The following DYDC1 variants were observed in gnomAD, a reference collection of about 807,000 sequenced individuals.
The protein encoded by DYDC1 is DPY30 domain-containing protein 1.
Under a neutral mutation model 27.9 loss-of-function variants are expected in DYDC1, and 21 were observed. The observed-to-expected ratio is 0.75, with a 90% confidence interval of 0.53 to 1.08. The LOEUF (loss-of-function observed/expected upper bound fraction) is 1.08, where lower values mean the gene tolerates loss of function less well. DYDC1 is among the 50% of genes least tolerant of loss of function. DYDC1 has a pLI of 0.00. For synonymous variants in DYDC1, 67 were observed against 65.8 expected, an observed-to-expected ratio of 1.02 and a Z score of -0.09; for missense variants, 202 against 205.9, an observed-to-expected ratio of 0.98 and a Z score of 0.12.
downstream of DYDC1, chr10:80,336,056 AG>A: frequency 1.3e-6 from 1 of 756,606 alleles, no homozygotes; most frequent in South Asian, 1.7e-5. Context: ...GGAAAAAAAA[AG>A]GGGAGTTCAA....
intron 3 of DYDC1, among the ~76,000 whole-genome samples, chr10:80,350,470 G>A (rs751108477): frequency 2.0e-5 from 3 of 152,112 alleles, no homozygotes; most frequent in Admixed American, 6.5e-5. Context: ...GGAAGCACCT[G>A]GCCTGTTTGG....
chr10:80,350,937 A>G (rs564875111), intron 3 of DYDC1, among the ~76,000 whole-genome samples: 2 of 152,330 alleles, frequency 1.3e-5, no homozygotes, highest in African/African-American at 4.8e-5. Flanking sequence ...TTCAATTAAA[A>G]GGTCTGCCTG....
At chr10:80,353,868 A>C (rs976019302) in intron 1 of DYDC1, among the ~76,000 whole-genome samples, 6 of 152,120 alleles carry the variant, frequency 3.9e-5, no homozygotes, top group Non-Finnish European at 7.4e-5. Context: ...TGGACTTGAG[A>C]GTCCTTCAGG....
chr10:80,338,096 T>A, intron 6 of DYDC1: 1 of 985,386 alleles, frequency 1.0e-6, no homozygotes, highest in Non-Finnish European at 1.2e-6. Context: ...ACTTACATAC[T>A]GGAGAAGCAT....
chr10:80,353,435 T>G (rs892776080), intron 1 of DYDC1, among the ~76,000 whole-genome samples: 4 of 150,674 alleles, frequency 2.7e-5, no homozygotes, highest in Non-Finnish European at 5.9e-5. Flanking sequence ...GTGCTGGGAT[T>G]ACAGGCGTGA....
chr10:80,336,988 T>C, intron 6 of DYDC1: 1 of 346,052 alleles, frequency 2.9e-6, no homozygotes, highest in Non-Finnish European at 4.1e-6. Context: ...CTACTGCACT[T>C]AAGTCCAAAA....
At chr10:80,355,324 G>A (rs1843298061) in intron 1 of DYDC1, among the ~76,000 whole-genome samples, 1 of 151,806 alleles carries the variant, frequency 6.6e-6, no homozygotes, top group Non-Finnish European at 1.5e-5. Context: ...ATGAACCCCA[G>A]GATGTCAGTG....
chr10:80,336,925 T>C (rs1372931559), intron 6 of DYDC1, among the ~76,000 whole-genome samples: 1 of 152,142 alleles, frequency 6.6e-6, no homozygotes, highest in African/African-American at 2.4e-5. Context: ...ACACCAATCC[T>C]CTCTCCACCT....
rs1383853731 is a variant in DYDC1, at chr10:80,338,455, A to T, written c.504+12T>A. ...AAAAACGAGTTTTTTCACAAAACACACTGATACTGACATCAGAAAACATTG... is the reference window on the plus strand; with the variant it reads ...AAAAACGAGTTTTTTCACAAAACACTCTGATACTGACATCAGAAAACATTG... On this transcript the variant is annotated intron_variant, in intron 6 of 6. Transcript: ENST00000372202. 6.2e-7 allele frequency: 1 copy of T among 1,611,372 alleles called. No homozygotes were observed. Among genetic ancestry groups the T allele is most frequent in the Non-Finnish European group, 8.5e-7 (1 of 1,179,154 alleles).
intron 4 of DYDC1, among the ~76,000 whole-genome samples, chr10:80,341,087 T>C (rs527941920): frequency 3.3e-5 from 5 of 152,334 alleles, no homozygotes; most frequent in African/African-American, 1.2e-4. Context: ...CCTGCTTCTT[T>C]TTTCAGCTTT....
At chr10:80,338,962 C>A in intron 5 of DYDC1, 135 bp downstream of exon 5, 2 of 499,678 alleles carry the variant, frequency 4.0e-6, no homozygotes, top group Non-Finnish European at 7.0e-6. Context: ...TTGTTATCAC[C>A]GGAAAATATA....
chr10:80,339,177 A>G, intron 4 of DYDC1, 24 bp from the exon 5 acceptor site: 1 of 969,876 alleles, frequency 1.0e-6, no homozygotes, highest in Non-Finnish European at 1.5e-6. Context: ...AAATTAAGAA[A>G]ATACTTTGAA....
At chr10:80,339,484 A>C (rs1400495999) in intron 4 of DYDC1, among the ~76,000 whole-genome samples, 1 of 56,020 alleles carries the variant, frequency 1.8e-5, no homozygotes, top group East Asian at 3.4e-3. Flanking sequence ...CCTTAGAACA[A>C]GAGATTTTTA....
chr10:80,342,211 AG>A (rs1376952178), intron 4 of DYDC1, 57 bp downstream of exon 4: 1 of 1,532,618 alleles, frequency 6.5e-7, no homozygotes, highest in Admixed American at 1.7e-5. Context: ...TGAAATAAAC[AG>A]TTTGAAGATT....
chr10:80,342,148 T>C, intron 4 of DYDC1, 121 bp downstream of exon 4: 1 of 873,094 alleles, frequency 1.1e-6, no homozygotes, highest in African/African-American at 1.7e-5. Context: ...CTTACACAGC[T>C]AGTATGTGGC....
chr10:80,352,038 T>C (rs1843021018), intron 2 of DYDC1, 36 bp from the exon 3 acceptor site: 2 of 1,599,350 alleles, frequency 1.3e-6, no homozygotes, highest in South Asian at 1.1e-5. Context: ...CACGACTTCT[T>C]AGCGAGAAAG....
At position 80,351,989 on chromosome 10, in the gene DYDC1, A is replaced by C. The variant is rs377457018; in HGVS notation, c.161T>G (p.Met54Arg). ...VTMEQLRQKE[M>R]AKLERERELA... is the part of the protein sequence containing the mutation. ...TTCTCTTTCACGCTCCAGCTTGGCC[A>C]TTTCCTTTTGTCTCTAGCATTGTTT... Residue 54 changes from methionine to arginine, a missense_variant, in exon 3 of 7, where the codon ATG (methionine) becomes AGG (arginine). Physicochemically the swap from Met to Arg is moderately conservative, Grantham distance 91. Transcript: ENST00000372202. 3.1e-6 allele frequency: 5 copies of C among 1,613,996 alleles called. No individual in the cohort carries two copies. The highest frequency in any genetic ancestry group is 4.2e-6 in the Non-Finnish European group (5 of 1,180,016).
At chr10:80,342,130 T>C in intron 4 of DYDC1, 139 bp downstream of exon 4, 4 of 729,172 alleles carry the variant, frequency 5.5e-6, no homozygotes, top group East Asian at 2.8e-5. Context: ...GTTATGAGAC[T>C]TGTTTAGCTT....
chr10:80,342,350 T>A lies in DYDC1; in HGVS notation c.261A>T (p.Ala87=). 1 of 1,613,556 alleles carries A rather than the reference T, an allele frequency of 6.2e-7. No homozygotes were observed. Reference sequence around the variant, plus strand: ...CTTGCATTTCCAACTCTAGCTGCAATGCCAGCTGTTGCTGAATATTCAGAA... The same window carrying A: ...CTTGCATTTCCAACTCTAGCTGCAAAGCCAGCTGTTGCTGAATATTCAGAA... ...EELLLQQQQL[A]LQLELEMQEK... Residue 87 remains alanine, a synonymous_variant, in exon 4 of 7, where the codon GCA becomes GCT. Coordinates refer to ENST00000372202, the MANE Select transcript of DYDC1 (RefSeq NM_001269053.2).
Sources: gnomAD v4.1 joint callset for allele counts (sites outside exome capture counted in the v4.1 genomes callset) on GRCh38, gnomAD v4.1.1 for gene constraint, MANE v1.5 for transcripts, NCBI Gene and HGNC (gene_info 2026-07-23, HGNC 2026-07-21) for gene names.